The following FBXL7 variants were observed in gnomAD, a reference collection of about 807,000 sequenced individuals.
FBXL7 encodes the protein F-box and leucine rich repeat protein 7, also known as F-box/LRR-repeat protein 7.
In FBXL7, 12 loss-of-function variants were observed where a neutral mutation model predicts 38.3. That is an observed-to-expected ratio of 0.31 (90% CI 0.20 to 0.51). The LOEUF (loss-of-function observed/expected upper bound fraction) is 0.51. Ranked by LOEUF, FBXL7 falls within the 20% of genes least tolerant of loss-of-function variation. FBXL7 has a pLI of 0.98. For synonymous variants in FBXL7, 297 were observed against 300.9 expected (o/e 0.99, Z 0.13); for missense variants, 567 against 676.4 (o/e 0.84, Z 1.79).
At chr5:15,680,749 A>G (rs370049899) in intron 2 of FBXL7, among the ~76,000 whole-genome samples, 28 of 152,330 alleles carry the variant, frequency 1.8e-4, no homozygotes, top group South Asian at 6.2e-4. Context: ...TTAGGATGCC[A>G]ATGTATTATG....
chr5:15,890,254 G>GT (rs1195801696), intron 2 of FBXL7, among the ~76,000 whole-genome samples: 3 of 151,942 alleles, frequency 2.0e-5, no homozygotes, highest in African/African-American at 2.4e-5. Flanking sequence ...GATTCTTTTT[G>GT]TTTTTTTGTT....
At chr5:15,731,878 TGGACTACATGGATCCTGAGTG>T (rs1432699512) in intron 2 of FBXL7, among the ~76,000 whole-genome samples, 1 of 152,172 alleles carries the variant, frequency 6.6e-6, no homozygotes, top group African/African-American at 2.4e-5. Context: ...GCTGGTTCCT[TGGACTACATGGATCCTGAGTG>T]GTGCTGTGAG....
chr5:15,517,968 T>C (rs1736989368), intron 1 of FBXL7, among the ~76,000 whole-genome samples: 1 of 152,142 alleles, frequency 6.6e-6, no homozygotes, highest in East Asian at 1.9e-4. Flanking sequence ...TTCAGTGTTT[T>C]TTTGTGTGTG....
chr5:15,886,431 T>C (rs1293268518), intron 2 of FBXL7, among the ~76,000 whole-genome samples: 1 of 152,192 alleles, frequency 6.6e-6, no homozygotes, highest in African/African-American at 2.4e-5. Flanking sequence ...AAAGGGACTT[T>C]TTAGATTAGA....
At chr5:15,789,104 C>G (rs1361312633) in intron 2 of FBXL7, among the ~76,000 whole-genome samples, 3 of 152,098 alleles carry the variant, frequency 2.0e-5, no homozygotes, top group African/African-American at 7.2e-5. Flanking sequence ...CCCACCTTGG[C>G]CTCCCAAAGT....
intron 1 of FBXL7, among the ~76,000 whole-genome samples, chr5:15,518,436 C>T (rs17522642): frequency 3.9e-5 from 6 of 152,158 alleles, no homozygotes; most frequent in South Asian, 2.1e-4. Context: ...TGAGCCCTCT[C>T]GATACCCTAG....
chr5:15,708,902 T>G (rs546481538), intron 2 of FBXL7, among the ~76,000 whole-genome samples: 6 of 152,220 alleles, frequency 3.9e-5, no homozygotes, highest in Non-Finnish European at 5.9e-5. Context: ...TGAGGTGATG[T>G]GCTTTAGGGT....
At chr5:15,769,810 A>G (rs907505917) in intron 2 of FBXL7, among the ~76,000 whole-genome samples, 6 of 152,062 alleles carry the variant, frequency 3.9e-5, no homozygotes, top group Admixed American at 6.6e-5. Context: ...ATACCATATC[A>G]GTGTTATTTT....
At chr5:15,745,621 C>T (rs748782477) in intron 2 of FBXL7, among the ~76,000 whole-genome samples, 2 of 152,040 alleles carry the variant, frequency 1.3e-5, no homozygotes, top group Non-Finnish European at 2.9e-5. Context: ...CTGCATATGT[C>T]TAGGAAAAAA....
intron 1 of FBXL7, among the ~76,000 whole-genome samples, chr5:15,582,561 G>T (rs148069838): frequency 6.5e-4 from 99 of 152,288 alleles, no homozygotes; most frequent in Non-Finnish European, 1.6e-4. Context: ...GGACTTCCTC[G>T]AGATGTCAGT....
chr5:15,912,792 T>C (rs995903803), intron 2 of FBXL7, among the ~76,000 whole-genome samples: 1 of 152,096 alleles, frequency 6.6e-6, no homozygotes, highest in Non-Finnish European at 1.5e-5. Flanking sequence ...TTGTGCTATT[T>C]AATATTGGGT....
intron 2 of FBXL7, among the ~76,000 whole-genome samples, chr5:15,636,956 A>T (rs772455709): frequency 1.7e-4 from 22 of 130,646 alleles, no homozygotes; most frequent in Non-Finnish European, 3.0e-4. Flanking sequence ...AGAAGCAGAA[A>T]TTTTTTTGTT....
At chr5:15,782,476 C>T (rs988312622) in intron 2 of FBXL7, among the ~76,000 whole-genome samples, 1 of 152,196 alleles carries the variant, frequency 6.6e-6, no homozygotes, top group South Asian at 2.1e-4. Flanking sequence ...TCTCCACATC[C>T]TCTCCAGCAT....
chr5:15,867,474 T>C (rs761296792), intron 2 of FBXL7, among the ~76,000 whole-genome samples: 20 of 152,212 alleles, frequency 1.3e-4, no homozygotes, highest in Non-Finnish European at 2.8e-4. Flanking sequence ...TACTTGTGTT[T>C]CAACTCCAAC....
At chr5:15,837,474 T>C (rs1219060162) in intron 2 of FBXL7, among the ~76,000 whole-genome samples, 1 of 152,162 alleles carries the variant, frequency 6.6e-6, no homozygotes, top group Non-Finnish European at 1.5e-5. Context: ...AAAGAGCTAA[T>C]CAGAGACTAC....
chr5:15,845,757 G>T (rs946036181), intron 2 of FBXL7, among the ~76,000 whole-genome samples: 1 of 152,136 alleles, frequency 6.6e-6, no homozygotes, highest in African/African-American at 2.4e-5. Context: ...GGATCATGAG[G>T]TCAGGAGATC....
intron 2 of FBXL7, among the ~76,000 whole-genome samples, chr5:15,898,602 A>C (rs147115629): frequency 1.2e-4 from 18 of 152,356 alleles, no homozygotes; most frequent in African/African-American, 4.3e-4. Context: ...GAAATGTGAA[A>C]AGTGCTTTTA....
At chr5:15,609,176 T>C (rs1234497373) in intron 1 of FBXL7, among the ~76,000 whole-genome samples, 2 of 152,158 alleles carry the variant, frequency 1.3e-5, no homozygotes, top group East Asian at 3.9e-4. Flanking sequence ...CTCCTTAGTG[T>C]GCTACTCACT....
chr5:15,927,493 C>T (rs1316135843), intron 2 of FBXL7, among the ~76,000 whole-genome samples: 6 of 152,014 alleles, frequency 3.9e-5, no homozygotes, highest in Admixed American at 1.3e-4. Flanking sequence ...AGGTGCTGGC[C>T]GGGCACGCTG....
Sources: gnomAD v4.1 joint callset for allele counts (sites outside exome capture counted in the v4.1 genomes callset) on GRCh38, gnomAD v4.1.1 for gene constraint, MANE v1.5 for transcripts, NCBI Gene and HGNC (gene_info 2026-07-23, HGNC 2026-07-21) for gene names.